The following C12orf42 variants were observed in gnomAD, a reference collection of about 807,000 sequenced individuals.
The protein encoded by C12orf42 is uncharacterized protein C12orf42.
C12orf42 carries 25 observed loss-of-function variants against 21.6 expected under a neutral mutation model. The ratio of observed to expected loss-of-function variants is 1.16; its 90% CI spans 0.84 to 1.62. C12orf42 has a LOEUF of 1.62. Among genes scored for constraint, C12orf42 ranks in the 40% most tolerant of loss-of-function variants. The probability of loss-of-function intolerance (pLI) is 0.00; values close to 1 mark genes in which losing one functional copy is unlikely to be tolerated. For missense variants in C12orf42, 483 were observed against 459.3 expected, an observed-to-expected ratio of 1.05 and a Z score of -0.47; for synonymous variants, 174 against 175.0, an observed-to-expected ratio of 0.99 and a Z score of 0.05.
chr12:103,260,937 G>A (rs2034867265), intron 10 of C12orf42, among the ~76,000 whole-genome samples: 1 of 152,022 alleles, frequency 6.6e-6, no homozygotes, highest in South Asian at 2.1e-4. Flanking sequence ...ACTGAGAACA[G>A]TTTTTCTATT....
intron 2 of C12orf42, among the ~76,000 whole-genome samples, chr12:103,465,248 C>T (rs1953027458): frequency 6.6e-6 from 1 of 152,172 alleles, no homozygotes; most frequent in African/African-American, 2.4e-5. Context: ...GAATGTTTTT[C>T]CATACGTTTG....
At chr12:103,323,820 A>G (rs998655710) in intron 4 of C12orf42, among the ~76,000 whole-genome samples, 1 of 152,254 alleles carries the variant, frequency 6.6e-6, no homozygotes, top group Non-Finnish European at 1.5e-5. Flanking sequence ...CCAGCCCAAG[A>G]TATTAAAAAG....
At chr12:103,563,427 C>T in the C12orf42 span, among the ~76,000 whole-genome samples, 3 of 152,134 alleles carry the variant, frequency 2.0e-5, no homozygotes, top group Non-Finnish European at 2.9e-5. Context: ...AAATGAAATT[C>T]CCTGATTTTA....
the C12orf42 span, among the ~76,000 whole-genome samples, chr12:103,092,739 G>A: frequency 6.6e-6 from 1 of 152,204 alleles, no homozygotes; most frequent in Non-Finnish European, 1.5e-5. Context: ...GTTAAGGACT[G>A]TATCATGAGA....
the C12orf42 span, among the ~76,000 whole-genome samples, chr12:103,211,760 C>T: frequency 6.6e-6 from 1 of 152,160 alleles, no homozygotes. Context: ...CAGTGGGAAA[C>T]AGTAAATGCT....
At position 103,406,722 on chromosome 12, in the gene C12orf42, ATAAGG is replaced by A. The variant is rs575273381; in HGVS notation, c.79-5052_79-5048del. ...GGATAAAGACTATGAAAATGGATGC[ATAAGG>A]TACCAGGGGAGCTCCTCTCCCAGAC... is the stretch of plus-strand genomic sequence containing the variant. On this transcript the variant is annotated intron_variant, in intron 2 of 5. Coordinates refer to ENST00000548883, the MANE Select transcript of C12orf42 (RefSeq NM_198521.5). 2.6e-4 allele frequency among the ~76,000 whole-genome samples: 40 copies of A among 152,346 alleles called. 1 individual carries two copies. In the South Asian group the frequency reaches 8.1e-3, roughly 31 times the overall value.
chr12:103,400,072 A>G (rs2047871237), intron 3 of C12orf42, among the ~76,000 whole-genome samples: 1 of 152,172 alleles, frequency 6.6e-6, no homozygotes, highest in Non-Finnish European at 1.5e-5. Context: ...TTTTAGTCCT[A>G]TTTCTATAAT....
At chr12:103,185,440 C>T in the C12orf42 span, among the ~76,000 whole-genome samples, 7 of 152,270 alleles carry the variant, frequency 4.6e-5, no homozygotes, top group African/African-American at 1.7e-4. Flanking sequence ...TAAGCATCAA[C>T]AATATCTACT....
intron 2 of C12orf42, among the ~76,000 whole-genome samples, chr12:103,458,327 G>GAA (rs376914288): frequency 3.2e-4 from 47 of 145,584 alleles, no homozygotes; most frequent in African/African-American, 1.2e-3. Flanking sequence ...TTTCTTTGTA[G>GAA]AAAAAAAAAA....
At chr12:103,469,220 G>A (rs1462568401) in intron 2 of C12orf42, among the ~76,000 whole-genome samples, 1 of 152,206 alleles carries the variant, frequency 6.6e-6, no homozygotes, top group African/African-American at 2.4e-5. Flanking sequence ...GTTAAACTCA[G>A]GAAGGCATGA....
chr12:103,226,313 G>A, the C12orf42 span, among the ~76,000 whole-genome samples: 3 of 152,206 alleles, frequency 2.0e-5, no homozygotes, highest in African/African-American at 4.8e-5. Flanking sequence ...ATTAAGTCCT[G>A]TTGTGGGGTT....
At chr12:103,493,295 C>A (rs1955299023) in intron 1 of C12orf42, among the ~76,000 whole-genome samples, 1 of 152,158 alleles carries the variant, frequency 6.6e-6, no homozygotes, top group South Asian at 2.1e-4. Flanking sequence ...GCAATATTCT[C>A]CCCACACTCA....
At chr12:103,225,194 G>A in the C12orf42 span, among the ~76,000 whole-genome samples, 1 of 152,222 alleles carries the variant, frequency 6.6e-6, no homozygotes, top group Admixed American at 6.5e-5. Flanking sequence ...TGTGGAGGAA[G>A]TTATTGAGGA....
the C12orf42 span, among the ~76,000 whole-genome samples, chr12:103,068,256 T>A: frequency 2.0e-5 from 3 of 152,236 alleles, no homozygotes; most frequent in African/African-American, 7.2e-5. Context: ...ACCTTCATTT[T>A]ATTTTTTTCT....
intron 2 of C12orf42, among the ~76,000 whole-genome samples, chr12:103,432,817 T>C (rs1293436755): frequency 6.6e-6 from 1 of 152,088 alleles, no homozygotes; most frequent in Non-Finnish European, 1.5e-5. Flanking sequence ...AGCAAGAAGG[T>C]GGCCATCAGC....
At chr12:103,219,663 C>T in the C12orf42 span, among the ~76,000 whole-genome samples, 1,053 of 152,338 alleles carry the variant, frequency 6.9e-3, 12 homozygotes, top group African/African-American at 0.024. Flanking sequence ...TGAAAAACCG[C>T]TCATCATCCC....
At chr12:103,146,768 G>A in the C12orf42 span, among the ~76,000 whole-genome samples, 838 of 152,168 alleles carry the variant, frequency 5.5e-3, 5 homozygotes, top group Non-Finnish European at 9.1e-3. Flanking sequence ...ATGTTATTTC[G>A]TATATCTTTT....
At chr12:103,067,132 G>A in the C12orf42 span, among the ~76,000 whole-genome samples, 2 of 152,180 alleles carry the variant, frequency 1.3e-5, no homozygotes, top group Non-Finnish European at 2.9e-5. Flanking sequence ...ATGGCAGGTT[G>A]ATTATATTGG....
chr12:103,408,055 T>C (rs889923413), intron 2 of C12orf42, among the ~76,000 whole-genome samples: 2 of 152,122 alleles, frequency 1.3e-5, no homozygotes, highest in African/African-American at 4.8e-5. Context: ...TAGGACTTAG[T>C]CTAGCCATTA....
Sources: allele counts gnomAD v4.1 joint callset (sites outside exome capture counted in the v4.1 genomes callset), GRCh38; gene constraint gnomAD v4.1.1; transcripts MANE v1.5; gene names NCBI Gene and HGNC (gene_info 2026-07-23, HGNC 2026-07-21).